Variants in MGAT4C observed in about 807,000 individuals in gnomAD.
MGAT4C encodes the protein MGAT4 family member C.
MGAT4C carries 19 observed loss-of-function variants against 40.1 expected under a neutral mutation model. The ratio of observed to expected loss-of-function variants is 0.47; its 90% CI spans 0.33 to 0.70. The LOEUF (loss-of-function observed/expected upper bound fraction) is 0.70, where lower values mean the gene tolerates loss of function less well. Ranked by LOEUF, MGAT4C falls within the 30% of genes least tolerant of loss-of-function variation. The pLI is 0.02. For missense variants in MGAT4C, 491 were observed against 563.2 expected (o/e 0.87, Z 1.30); for synonymous variants, 181 against 187.1 (o/e 0.97, Z 0.27).
chr12:86,640,147 A>C lies in MGAT4C; in HGVS notation c.-229+87062T>G, dbSNP rs1020426162. Among the ~76,000 whole-genome samples, 62 of 151,864 alleles carry C rather than the reference A, an allele frequency of 4.1e-4. 1 individual carries two copies. The highest frequency in any genetic ancestry group is 1.3e-3 in the African/African-American group (54 of 41,520). On this transcript the variant is annotated intron_variant, in intron 2 of 7. Coordinates refer to the MGAT4C transcript ENST00000548651. ...CACCCCATAAATATATCTAAGAAGA[A>C]ATATTTTAGAATAAAAACAAGTTAG...
intron 3 of MGAT4C, among the ~76,000 whole-genome samples, chr12:86,356,486 T>A (rs1306183442): frequency 6.6e-6 from 1 of 152,098 alleles, no homozygotes; most frequent in Non-Finnish European, 1.5e-5. Context: ...GGACACTGGG[T>A]GCAGCGCACG....
intron 1 of MGAT4C, among the ~76,000 whole-genome samples, chr12:86,241,798 T>A (rs1951800034): frequency 6.6e-6 from 1 of 152,116 alleles, no homozygotes; most frequent in South Asian, 2.1e-4. Flanking sequence ...CTTCAGGTGG[T>A]TAACCATGTG....
chr12:86,366,825 G>T (rs10776966), intron 3 of MGAT4C, among the ~76,000 whole-genome samples: 111,408 of 152,024 alleles, frequency 0.73, 41,030 homozygotes, highest in East Asian at 0.91. Flanking sequence ...AACTTTCCTA[G>T]TAGCAGACTA....
chr12:86,518,658 A>G (rs551057059), intron 2 of MGAT4C, among the ~76,000 whole-genome samples: 3 of 152,316 alleles, frequency 2.0e-5, no homozygotes, highest in Non-Finnish European at 4.4e-5. Flanking sequence ...TGCTTATAGT[A>G]TGGCTCATCC....
chr12:86,526,576 G>T (rs1179395187), intron 2 of MGAT4C, among the ~76,000 whole-genome samples: 1 of 152,078 alleles, frequency 6.6e-6, no homozygotes, highest in Admixed American at 6.5e-5. Flanking sequence ...CTGCATGCAG[G>T]AGTGGCAAGG....
chr12:86,404,615 C>T (rs1255104422), intron 3 of MGAT4C, among the ~76,000 whole-genome samples: 1 of 151,966 alleles, frequency 6.6e-6, no homozygotes, highest in Non-Finnish European at 1.5e-5. Context: ...AACTTCTGAC[C>T]TCCAGTACTG....
At chr12:86,761,818 G>T (rs528298161) in intron 1 of MGAT4C, among the ~76,000 whole-genome samples, 19 of 151,900 alleles carry the variant, frequency 1.3e-4, no homozygotes, top group South Asian at 1.0e-3. Flanking sequence ...CTTTCTTAAG[G>T]ACCTTTGTGA....
chr12:86,056,141 TTAG>T (rs1893363304), intron 1 of MGAT4C, among the ~76,000 whole-genome samples: 1 of 152,172 alleles, frequency 6.6e-6, no homozygotes, highest in South Asian at 2.1e-4. Flanking sequence ...CATTAACTTG[TTAG>T]CTCTATTATG....
At chr12:86,328,284 C>T (rs1185298593) in intron 4 of MGAT4C, among the ~76,000 whole-genome samples, 1 of 152,046 alleles carries the variant, frequency 6.6e-6, no homozygotes, top group African/African-American at 2.4e-5. Context: ...AGAAGCAAAT[C>T]AATTATTACC....
At chr12:86,101,373 C>T (rs896288330) in intron 1 of MGAT4C, among the ~76,000 whole-genome samples, 2 of 151,720 alleles carry the variant, frequency 1.3e-5, no homozygotes, top group Admixed American at 1.3e-4. Flanking sequence ...GACCATTGGC[C>T]TTTACAAAGA....
chr12:86,576,232 T>C (rs1242887655), intron 2 of MGAT4C, among the ~76,000 whole-genome samples: 1 of 151,932 alleles, frequency 6.6e-6, no homozygotes. Context: ...TCATTATTAA[T>C]CCCTTGTCAG....
intron 2 of MGAT4C, among the ~76,000 whole-genome samples, chr12:86,707,466 T>C (rs959769452): frequency 9.9e-5 from 15 of 151,998 alleles, no homozygotes; most frequent in South Asian, 2.1e-4. Context: ...GTCCTGGAGA[T>C]TTGTGAAACT....
intron 2 of MGAT4C, among the ~76,000 whole-genome samples, chr12:86,474,582 G>A (rs183463049): frequency 1.1e-4 from 16 of 152,102 alleles, no homozygotes; most frequent in Admixed American, 9.2e-4. Context: ...AAGTAATTAA[G>A]TAACTAAATT....
intron 2 of MGAT4C, among the ~76,000 whole-genome samples, chr12:86,480,013 C>G (rs1050108633): frequency 6.6e-6 from 1 of 151,474 alleles, no homozygotes; most frequent in African/African-American, 2.4e-5. Context: ...TACATAATAC[C>G]CTAAATAAAT....
intron 2 of MGAT4C, among the ~76,000 whole-genome samples, chr12:86,689,418 C>A (rs1236617440): frequency 1.3e-5 from 2 of 151,782 alleles, no homozygotes; most frequent in Admixed American, 6.6e-5. Flanking sequence ...GGAGAAGGGG[C>A]ATTCTTGTTT....
At chr12:86,717,846 T>A (rs1950671346) in intron 2 of MGAT4C, among the ~76,000 whole-genome samples, 1 of 152,240 alleles carries the variant, frequency 6.6e-6, no homozygotes, top group South Asian at 2.1e-4. Context: ...CGTTCTTGTT[T>A]CAATACTGTT....
intron 2 of MGAT4C, among the ~76,000 whole-genome samples, chr12:86,635,759 C>T (rs1963200188): frequency 6.6e-6 from 1 of 151,754 alleles, no homozygotes; most frequent in Admixed American, 6.6e-5. Flanking sequence ...TCACTGCAAC[C>T]TTGAACTCCT....
chr12:86,420,804 CAT>C (rs1355975954), intron 3 of MGAT4C, among the ~76,000 whole-genome samples: 6 of 147,710 alleles, frequency 4.1e-5, no homozygotes, highest in South Asian at 2.1e-4. Context: ...TACACACACA[CAT>C]ATATATGTGT....
intron 1 of MGAT4C, among the ~76,000 whole-genome samples, chr12:86,225,580 G>GA (rs1294244542): frequency 6.6e-6 from 1 of 151,900 alleles, no homozygotes; most frequent in Non-Finnish European, 1.5e-5. Flanking sequence ...ATCAGCACAT[G>GA]AAAAAGACAA....
Sources: allele counts gnomAD v4.1 joint callset (sites outside exome capture counted in the v4.1 genomes callset), GRCh38; gene constraint gnomAD v4.1.1; transcripts MANE v1.5; gene names NCBI Gene and HGNC (gene_info 2026-07-23, HGNC 2026-07-21).